Variants in CLEC20A observed in about 807,000 individuals in gnomAD.
CLEC20A encodes the protein C-type lectin domain containing 20A, also known as putative C-type lectin domain family 20 member A.
At chr1:178,482,736 TC>T (rs1429457062) in intron 6 of CLEC20A, 1 of 222,908 alleles carries the variant, frequency 4.5e-6, no homozygotes, top group African/African-American at 2.3e-5. Flanking sequence ...TACTCATCTC[TC>T]CTTGAGCTCC....
exon 6 of CLEC20A, chr1:178,483,276 G>A: frequency 2.5e-6 from 1 of 398,564 alleles, no homozygotes; most frequent in Admixed American, 4.4e-5. Flanking sequence ...CCCTACACTG[G>A]CCACAGCTAC....
At chr1:178,489,142 C>T (rs1649219427) in intron 4 of CLEC20A, among the ~76,000 whole-genome samples, 2 of 152,100 alleles carry the variant, frequency 1.3e-5, no homozygotes, top group South Asian at 4.1e-4. Context: ...GCGGGTGGAT[C>T]ACTTGAGGTC....
intron 2 of CLEC20A, chr1:178,493,812 ACATGCATCCCCC>A (rs1428956264): frequency 2.6e-5 from 4 of 152,228 alleles, no homozygotes; most frequent in African/African-American, 4.8e-5. Context: ...GCATAGGTAC[ACATGCATCCCCC>A]CAACCCCAGC....
At chr1:178,486,561 G>A in intron 5 of CLEC20A, 1 of 398,724 alleles carries the variant, frequency 2.5e-6, no homozygotes, top group Non-Finnish European at 4.4e-6. Context: ...AGTCCGAGAT[G>A]CTTTCTTTGG....
chr1:178,482,504 T>G (rs1182123319), intron 6 of CLEC20A, 107 bp from the exon 7 acceptor site: 1 of 396,842 alleles, frequency 2.5e-6, no homozygotes, highest in Non-Finnish European at 4.4e-6. Context: ...ACATGTTGAT[T>G]TGGGATTTCA....
upstream of CLEC20A, among the ~76,000 whole-genome samples, chr1:178,498,795 AC>A (rs1373618697): frequency 6.6e-6 from 1 of 151,624 alleles, no homozygotes; most frequent in African/African-American, 2.4e-5. Flanking sequence ...CTTTTTTCCT[AC>A]CCCCTACCCC....
intron 6 of CLEC20A, 74 bp downstream of exon 6, chr1:178,483,101 G>T (rs1649033196): frequency 5.0e-6 from 2 of 397,908 alleles, no homozygotes; most frequent in African/African-American, 2.1e-5. Context: ...CAAGGGCCCT[G>T]TGCCAAGGAG....
chr1:178,493,847 C>T (rs1649326564), intron 2 of CLEC20A: 1 of 152,260 alleles, frequency 6.6e-6, no homozygotes, highest in South Asian at 2.1e-4. Context: ...GTCTTTCCCT[C>T]TTGGCTCCCT....
chr1:178,486,066 G>A (rs1359575543), intron 5 of CLEC20A, among the ~76,000 whole-genome samples: 1 of 152,200 alleles, frequency 6.6e-6, no homozygotes, highest in Admixed American at 6.5e-5. Flanking sequence ...CCACACAGTA[G>A]GTACTGGAGC....
intron 7 of CLEC20A, chr1:178,481,500 G>A (rs1648985140): frequency 6.6e-6 from 1 of 152,210 alleles, no homozygotes; most frequent in African/African-American, 2.4e-5. Context: ...ATTGAGAAAT[G>A]TGTCCTTAGA....
rs1026983995 is a variant in CLEC20A at position 178,488,513 on chromosome 1, T to C, written c.916A>G (p.Arg306Gly). Residue 306 changes from arginine (R) to glycine (G), a missense_variant, in exon 5 of 8, where the codon AGG becomes GGG. Transcript: ENST00000623247. The stretch of plus-strand genomic sequence containing the variant: ...AGGCTCAAAGCACCTCTGCCTGGCC[T>C]GGGAGTTGTTTCCTCTGTCATTTCT... 7.5e-6 allele frequency: 3 copies of C among 398,646 alleles called. No homozygotes were observed. In the Admixed American group the frequency reaches 1.3e-4, roughly 18 times the overall value. 24.7% of individuals were successfully genotyped at this position (398,646 alleles called of 1,614,324 possible).
intron 6 of CLEC20A, chr1:178,482,798 C>A (rs950996065): frequency 9.7e-6 from 2 of 206,098 alleles, no homozygotes; most frequent in African/African-American, 4.6e-5. Context: ...ATAAATCCAG[C>A]CTTTGCCCGT....
At chr1:178,482,259 C>G in intron 7 of CLEC20A, 53 bp downstream of exon 7, 1 of 398,418 alleles carries the variant, frequency 2.5e-6, no homozygotes, top group Non-Finnish European at 4.4e-6. Flanking sequence ...ATAAGATTGT[C>G]TTGCAATGTC....
exon 4 of CLEC20A, chr1:178,490,199 G>A: frequency 2.5e-6 from 1 of 398,860 alleles, no homozygotes; most frequent in Non-Finnish European, 4.4e-6. Flanking sequence ...GCCAGGAGGG[G>A]ATGCTGGCCC....
intron 1 of CLEC20A, chr1:178,496,539 A>G: frequency 4.3e-6 from 1 of 234,940 alleles, no homozygotes. Flanking sequence ...AGACCCCCAC[A>G]ACGCCCGTCC....
chr1:178,487,032 G>C (rs1649164844), intron 5 of CLEC20A: 1 of 390,526 alleles, frequency 2.6e-6, no homozygotes, highest in Non-Finnish European at 4.5e-6. Context: ...CCTGCGAGGC[G>C]CCCACGGGGC....
At chr1:178,497,149 T>A, upstream of CLEC20A, 1 of 394,796 alleles carries the variant, frequency 2.5e-6, no homozygotes, top group Non-Finnish European at 4.5e-6. Context: ...TGTGAGGTGC[T>A]GGAGATGCGG....
At chr1:178,493,124 C>T (rs2101875952) in intron 2 of CLEC20A, among the ~76,000 whole-genome samples, 1 of 152,284 alleles carries the variant, frequency 6.6e-6, no homozygotes, top group East Asian at 1.9e-4. Flanking sequence ...CACATGCTAG[C>T]AGCAGAGGTG....
upstream of CLEC20A, among the ~76,000 whole-genome samples, chr1:178,498,333 T>TA (rs1649448085): frequency 6.6e-6 from 1 of 152,108 alleles, no homozygotes; most frequent in Non-Finnish European, 1.5e-5. Flanking sequence ...GGCATGCACC[T>TA]ATAGCCCCAG....
Sources: gnomAD v4.1 joint callset for allele counts (sites outside exome capture counted in the v4.1 genomes callset) on GRCh38, gnomAD v4.1.1 for gene constraint, MANE v1.5 for transcripts, NCBI Gene and HGNC (gene_info 2026-07-23, HGNC 2026-07-21) for gene names.